ACOXL: variants seen among roughly 807,000 people sequenced by gnomAD.
ACOXL encodes the protein acyl-CoA oxidase like.
A neutral mutation model predicts 71.9 loss-of-function variants in ACOXL; 70 were observed. The ratio of observed to expected loss-of-function variants is 0.97; its 90% CI spans 0.80 to 1.19. The LOEUF (loss-of-function observed/expected upper bound fraction) is 1.19. Ranked by LOEUF, ACOXL falls within the 50% of genes most tolerant of loss-of-function variation. ACOXL has a pLI of 0.00. For synonymous variants in ACOXL, 253 were observed against 281.6 expected, an observed-to-expected ratio of 0.90 and a Z score of 1.02; for missense variants, 703 against 736.3, an observed-to-expected ratio of 0.95 and a Z score of 0.52.
chr2:110,963,314 C>T (rs538122872), intron 12 of ACOXL, among the ~76,000 whole-genome samples: 4 of 142,460 alleles, frequency 2.8e-5, no homozygotes, highest in South Asian at 4.6e-4. Flanking sequence ...TTTTGAAGAA[C>T]GAGGTAAAAA....
At chr2:110,776,423 A>T (rs1181506236) in intron 2 of ACOXL, among the ~76,000 whole-genome samples, 2 of 152,186 alleles carry the variant, frequency 1.3e-5, no homozygotes, top group African/African-American at 4.8e-5. Context: ...AGTAAATTTT[A>T]TGTTGTGTGT....
At chr2:110,794,272 G>A in intron 5 of ACOXL, 98 bp downstream of exon 5, 1 of 1,164,592 alleles carries the variant, frequency 8.6e-7, no homozygotes, top group Non-Finnish European at 1.2e-6. Context: ...CCCTCTGTGT[G>A]TGCTCTCTGG....
chr2:110,908,851 C>T lies in ACOXL; in HGVS notation c.851C>T (p.Thr284Ile), dbSNP rs1354322232. ...AAGATCATTGAGCACCAAACACAGA[C>T]CCTGCGGCTGATGCCCCACCTGGCC... ...EVKIIEHQTQ[T>I]LRLMPHLATA... The change falls in exon 11 of 18, where the codon ACC becomes ATC. Residue 284 changes from threonine (T) to isoleucine (I), a missense_variant. Thr to Ile is a moderately conservative substitution (Grantham distance 89, BLOSUM62 -1). Transcript: ENST00000439055. 6.2e-7 allele frequency: 1 copy of T among 1,614,028 alleles called. No individual in the cohort carries two copies. The highest frequency in any genetic ancestry group is 1.3e-5 in the African/African-American group (1 of 74,934).
intron 14 of ACOXL, among the ~76,000 whole-genome samples, chr2:111,019,104 A>G (rs2064617530): frequency 6.6e-6 from 1 of 152,230 alleles, no homozygotes; most frequent in Non-Finnish European, 1.5e-5. Flanking sequence ...GTCAGGTTCC[A>G]TAACATAGTC....
At chr2:111,049,788 C>T (rs986498298) in intron 16 of ACOXL, among the ~76,000 whole-genome samples, 1 of 151,804 alleles carries the variant, frequency 6.6e-6, no homozygotes, top group East Asian at 1.9e-4. Context: ...AGACAAGCTT[C>T]TTCCCCCCAA....
intron 10 of ACOXL, among the ~76,000 whole-genome samples, chr2:110,905,961 C>A (rs1417394300): frequency 6.6e-6 from 1 of 152,090 alleles, no homozygotes; most frequent in Non-Finnish European, 1.5e-5. Context: ...CTTCACCCAT[C>A]ACCCCAATTG....
chr2:110,776,211 G>A (rs909087914), intron 2 of ACOXL, among the ~76,000 whole-genome samples: 1 of 152,186 alleles, frequency 6.6e-6, no homozygotes, highest in Non-Finnish European at 1.5e-5. Context: ...AGTATTTAGA[G>A]TGGTCAAATT....
At chr2:110,811,730 T>TACACACACACAC (rs780039810) in intron 9 of ACOXL, among the ~76,000 whole-genome samples, 8,370 of 101,470 alleles carry the variant, frequency 0.082, 783 homozygotes, top group East Asian at 0.097. Context: ...TTTTTTTGCA[T>TACACACACACAC]ACACACACAC....
intron 13 of ACOXL, among the ~76,000 whole-genome samples, chr2:110,993,051 T>C (rs756588014): frequency 6.6e-6 from 1 of 152,236 alleles, no homozygotes; most frequent in Non-Finnish European, 1.5e-5. Context: ...TCACCTTCTC[T>C]TTTTGATCCA....
intron 10 of ACOXL, among the ~76,000 whole-genome samples, chr2:110,901,642 C>CCACACACACACA (rs10537484): frequency 2.4e-4 from 36 of 147,126 alleles, no homozygotes; most frequent in African/African-American, 8.0e-4. Flanking sequence ...TATCTCTACG[C>CCACACACACACA]CACACACACA....
chr2:111,103,954 G>T (rs929535028), intron 17 of ACOXL, among the ~76,000 whole-genome samples: 40 of 152,206 alleles, frequency 2.6e-4, no homozygotes, highest in African/African-American at 9.4e-4. Context: ...GTCACCACTT[G>T]TGGCTCCTAT....
intron 12 of ACOXL, among the ~76,000 whole-genome samples, chr2:110,973,808 A>G (rs1157928286): frequency 1.3e-5 from 2 of 152,134 alleles, no homozygotes; most frequent in Non-Finnish European, 2.9e-5. Flanking sequence ...CCCACATCAG[A>G]GCGACTACAG....
At chr2:111,032,850 T>C (rs1264769639) in intron 15 of ACOXL, among the ~76,000 whole-genome samples, 3 of 152,224 alleles carry the variant, frequency 2.0e-5, no homozygotes, top group Non-Finnish European at 4.4e-5. Flanking sequence ...CAGTGCCATG[T>C]GACTATACCT....
At chr2:111,046,864 C>T (rs537041853) in intron 15 of ACOXL, among the ~76,000 whole-genome samples, 21 of 152,108 alleles carry the variant, frequency 1.4e-4, no homozygotes, top group African/African-American at 3.6e-4. Context: ...GTGGTTTGCA[C>T]GGGGAAGAGG....
At chr2:111,041,348 T>A (rs767350044) in intron 15 of ACOXL, among the ~76,000 whole-genome samples, 5 of 152,172 alleles carry the variant, frequency 3.3e-5, no homozygotes, top group African/African-American at 4.8e-5. Context: ...CTATCCATTA[T>A]CTTCCCAATT....
chr2:110,855,747 G>T (rs1199695336), intron 10 of ACOXL, among the ~76,000 whole-genome samples: 3 of 152,212 alleles, frequency 2.0e-5, no homozygotes, highest in Non-Finnish European at 2.9e-5. Context: ...GTTTCTGCTG[G>T]TGGGTTTGTG....
Position 111,117,930 on chromosome 2 carries a change from G to C in ACOXL, c.*114G>C. On this transcript the variant is annotated 3_prime_UTR_variant, in exon 18 of 18. Transcript: ENST00000439055. ...TGGCACCCGCTGGGCCGCCACTCTC[G>C]GGGATTTTGGTGGCAAAGCGGAGGT... The C allele has an allele frequency of 1.6e-6, 2 of 1,278,686 alleles. No homozygotes were observed. The highest frequency in any genetic ancestry group is 2.1e-6 in the Non-Finnish European group (2 of 952,316). The allele number at this position is 1,278,686 out of a possible 1,614,324, so 79.2% of individuals were successfully genotyped here. A position where few individuals can be genotyped will look rare whatever the true frequency, so the allele number is the denominator to read the frequency against.
chr2:110,758,847 C>G (rs1240313324), intron 1 of ACOXL, among the ~76,000 whole-genome samples: 1 of 152,144 alleles, frequency 6.6e-6, no homozygotes, highest in African/African-American at 2.4e-5. Flanking sequence ...ACTGCTTTAC[C>G]TGCGTCACAG....
At chr2:110,956,570 C>T (rs573346482) in intron 12 of ACOXL, among the ~76,000 whole-genome samples, 2 of 152,132 alleles carry the variant, frequency 1.3e-5, no homozygotes, top group Admixed American at 6.5e-5. Context: ...CCCTCACATA[C>T]GGTTTCTGCA....
Sources: gnomAD v4.1 joint callset for allele counts (sites outside exome capture counted in the v4.1 genomes callset) on GRCh38, gnomAD v4.1.1 for gene constraint, MANE v1.5 for transcripts, NCBI Gene and HGNC (gene_info 2026-07-23, HGNC 2026-07-21) for gene names.